C8B: variants seen among roughly 807,000 people sequenced by gnomAD.
C8B encodes complement C8 beta chain, also known as complement component C8 beta chain.
In C8B, 67 loss-of-function variants were observed where a neutral mutation model predicts 64.6. That is an observed-to-expected ratio of 1.04 (90% CI 0.85 to 1.27). The LOEUF is 1.27. Among genes scored for constraint, C8B ranks in the 50% most tolerant of loss-of-function variants. The probability of loss-of-function intolerance (pLI) is 0.00; values close to 1 mark genes in which losing one functional copy is unlikely to be tolerated. For missense variants in C8B, 790 were observed against 725.2 expected (o/e 1.09, Z -1.03); for synonymous variants, 284 against 257.7 (o/e 1.10, Z -0.98).
At chr1:56,933,270 G>A in intron 10 of C8B, 65 bp downstream of exon 10, 1 of 1,374,608 alleles carries the variant, frequency 7.3e-7, no homozygotes, top group South Asian at 1.2e-5. Flanking sequence ...CAGGCAAATG[G>A]CTGGCCCCCG....
chr1:56,951,421 G>T (rs1645019787), intron 5 of C8B, among the ~76,000 whole-genome samples: 1 of 152,124 alleles, frequency 6.6e-6, no homozygotes, highest in Non-Finnish European at 1.5e-5. Flanking sequence ...CGGATCTCAA[G>T]TGTGTGTGTC....
chr1:56,933,484 T>C lies in C8B; in HGVS notation c.1403A>G (p.Glu468Gly), dbSNP rs759525365. Residue 468 changes from glutamate (E) to glycine (G), a missense_variant, in exon 10 of 12, where the codon GAG becomes GGG. Coordinates refer to ENST00000371237, the MANE Select transcript of C8B (RefSeq NM_000066.4). ...YNPAIIKVKV[E>G]PLYELVTATD... is the part of the protein sequence containing the mutation. Reference sequence around the variant, plus strand: ...GGCTGTCACTAGTTCATACAGAGGCTCCACCTGGAAAGGGAAAAGGGCATT... The same window carrying C: ...GGCTGTCACTAGTTCATACAGAGGCCCCACCTGGAAAGGGAAAAGGGCATT... 1 of 1,613,546 alleles carries C rather than the reference T, an allele frequency of 6.2e-7. No individual in the cohort carries two copies. Among genetic ancestry groups the C allele is most frequent in the Non-Finnish European group, 8.5e-7 (1 of 1,179,538 alleles).
chr1:56,959,922 C>A (rs1431471896), intron 2 of C8B, 98 bp downstream of exon 2: 2 of 1,337,562 alleles, frequency 1.5e-6, no homozygotes, highest in Admixed American at 3.5e-5. Flanking sequence ...TTATTGAGGG[C>A]CAACTATGTG....
At chr1:56,942,520 C>T (rs1052418604) in intron 8 of C8B, among the ~76,000 whole-genome samples, 3 of 152,134 alleles carry the variant, frequency 2.0e-5, no homozygotes, top group African/African-American at 7.2e-5. Flanking sequence ...TGGCCAACAA[C>T]ATGGCGAAAC....
intron 5 of C8B, 50 bp downstream of exon 5, chr1:56,951,998 A>G: frequency 1.3e-6 from 2 of 1,531,718 alleles, no homozygotes; most frequent in Non-Finnish European, 1.8e-6. Flanking sequence ...GACCCTGCTA[A>G]CTGGGTGCTC....
chr1:56,946,155 G>C, intron 6 of C8B, 94 bp from the exon 7 acceptor site: 1 of 1,456,676 alleles, frequency 6.9e-7, no homozygotes, highest in African/African-American at 1.4e-5. Flanking sequence ...GATGTTCTTG[G>C]CCTGGGGTCA....
intron 4 of C8B, among the ~76,000 whole-genome samples, chr1:56,954,370 T>C (rs706483): frequency 0.54 from 81,830 of 151,998 alleles, 22,300 homozygotes; most frequent in South Asian, 0.67. Context: ...ATGGTCACAC[T>C]GCAGGTGTTA....
At chr1:56,941,590 TAGAG>T (rs1170743710) in intron 8 of C8B, among the ~76,000 whole-genome samples, 5 of 152,010 alleles carry the variant, frequency 3.3e-5, no homozygotes, top group East Asian at 1.9e-4. Context: ...GATGGATAGA[TAGAG>T]AGAGAGATAG....
chr1:56,936,484 C>T (rs1445480658), intron 9 of C8B, among the ~76,000 whole-genome samples: 2 of 149,168 alleles, frequency 1.3e-5, no homozygotes, highest in African/African-American at 4.9e-5. Context: ...ACTATCATTC[C>T]TTACATATTA....
chr1:56,959,972 G>C lies in C8B; in HGVS notation c.249+48C>G, dbSNP rs745874358. 3 of 1,610,336 alleles carry C rather than the reference G, an allele frequency of 1.9e-6. No individual in the cohort carries two copies. The African/African-American group carries it at 4.0e-5, about 22-fold the overall frequency. ...CAATGGCTCAGCCGATCTTGCTGGG[G>C]ACAAAGGCTCCTGGAAGCTTAGAGC... On this transcript the variant is annotated intron_variant, in intron 2 of 11. Coordinates refer to ENST00000371237, the MANE Select transcript of C8B (RefSeq NM_000066.4).
At chr1:56,947,104 TCTC>T (rs964272206) in intron 6 of C8B, among the ~76,000 whole-genome samples, 10 of 152,192 alleles carry the variant, frequency 6.6e-5, no homozygotes, top group Admixed American at 2.0e-4. Flanking sequence ...TCCTCCCTAA[TCTC>T]CTTCCTTTCT....
intron 1 of C8B, among the ~76,000 whole-genome samples, chr1:56,963,585 G>A (rs1305990599): frequency 2.1e-5 from 3 of 145,854 alleles, no homozygotes; most frequent in African/African-American, 5.0e-5. Context: ...AGGTTGGGGG[G>A]TGGTGGGGGG....
Position 56,943,714 on chromosome 1 carries a change from TACC to T in C8B, c.1213_1215del (p.Gly405del). ...CACTCACCTTTTATTTCATTCAGAA[TACC>T]TCTGCATTTGCCTACAGACACACCC... On this transcript the variant is annotated inframe_deletion, in exon 8 of 12. Coordinates refer to ENST00000371237, the MANE Select transcript of C8B (RefSeq NM_000066.4). 6.2e-7 allele frequency: 1 copy of T among 1,614,136 alleles called. No individual in the cohort carries two copies. Among genetic ancestry groups the T allele is most frequent in the Non-Finnish European group, 8.5e-7 (1 of 1,179,990 alleles).
At chr1:56,949,338 T>C (rs1644987017) in intron 6 of C8B, among the ~76,000 whole-genome samples, 1 of 152,162 alleles carries the variant, frequency 6.6e-6, no homozygotes, top group African/African-American at 2.4e-5. Context: ...CTCCTGCATG[T>C]ACTTCCTCAC....
At chr1:56,941,546 A>C (rs1365048946) in intron 8 of C8B, among the ~76,000 whole-genome samples, 1 of 144,886 alleles carries the variant, frequency 6.9e-6, no homozygotes, top group African/African-American at 2.7e-5. Context: ...AGATAGATAG[A>C]TAGATAATAG....
At chr1:56,929,839 A>T (rs1003539582) in intron 11 of C8B, among the ~76,000 whole-genome samples, 1 of 152,134 alleles carries the variant, frequency 6.6e-6, no homozygotes, top group African/African-American at 2.4e-5. Flanking sequence ...CCTCAGGAAA[A>T]TCTTCTCTGA....
chr1:56,931,957 G>A, intron 10 of C8B, 79 bp from the exon 11 acceptor site: 1 of 1,002,392 alleles, frequency 1.0e-6, no homozygotes, highest in Non-Finnish European at 1.6e-6. Flanking sequence ...TCCAATCACT[G>A]CAGTTCCATC....
intron 8 of C8B, 26 bp downstream of exon 8, chr1:56,943,670 G>A (rs1179078026): frequency 1.2e-6 from 2 of 1,613,378 alleles, no homozygotes; most frequent in African/African-American, 1.3e-5. Context: ...TTATAAGTGT[G>A]GAAGTCACAA....
At chr1:56,942,703 C>CA (rs1334146762) in intron 8 of C8B, among the ~76,000 whole-genome samples, 2 of 150,844 alleles carry the variant, frequency 1.3e-5, no homozygotes, top group African/African-American at 2.4e-5. Context: ...GACTCCATCT[C>CA]AAAAAAAAGA....
Sources: gnomAD v4.1 joint callset for allele counts (sites outside exome capture counted in the v4.1 genomes callset) on GRCh38, gnomAD v4.1.1 for gene constraint, MANE v1.5 for transcripts, NCBI Gene and HGNC (gene_info 2026-07-23, HGNC 2026-07-21) for gene names.